Variants in NSUN6 observed in about 807,000 individuals in gnomAD.
NSUN6 encodes the protein NOP2/Sun RNA methyltransferase 6.
A neutral mutation model predicts 58.0 loss-of-function variants in NSUN6; 64 were observed. That is an observed-to-expected ratio of 1.10 (90% CI 0.90 to 1.36). The LOEUF (loss-of-function observed/expected upper bound fraction) is 1.36. NSUN6 is among the 40% of genes most tolerant of loss of function. The pLI is 0.00. For synonymous variants in NSUN6, 231 were observed against 193.9 expected (o/e 1.19, Z -1.59); for missense variants, 701 against 550.1 (o/e 1.27, Z -2.74).
chr10:18,593,694 C>T (rs898771880), intron 7 of NSUN6, among the ~76,000 whole-genome samples: 1 of 151,912 alleles, frequency 6.6e-6, no homozygotes, highest in Non-Finnish European at 1.5e-5. Context: ...ACATCACACA[C>T]GGGGGCCTGT....
chr10:18,573,907 T>C (rs993419460), intron 8 of NSUN6, among the ~76,000 whole-genome samples: 2 of 152,170 alleles, frequency 1.3e-5, no homozygotes, highest in African/African-American at 2.4e-5. Context: ...TTGACTCATA[T>C]GCACTGCACA....
chr10:18,651,374 C>G lies in NSUN6; in HGVS notation c.-171G>C. ...ATGCAGAGGTACACGCTTTCTCAAG[C>G]CTAGCCGATTAGAAGGGGCTGCCGG... On this transcript the variant is annotated 5_prime_UTR_variant, in exon 1 of 11. Transcript: ENST00000377304. 1 of 1,322,456 alleles carries G rather than the reference C, an allele frequency of 7.6e-7. No homozygotes were observed. Among genetic ancestry groups the G allele is most frequent in the Non-Finnish European group, 9.6e-7 (1 of 1,040,856 alleles). 81.9% of individuals were successfully genotyped at this position (1,322,456 alleles called of 1,614,324 possible).
At chr10:18,556,959 G>A (rs2055074718) in intron 8 of NSUN6, among the ~76,000 whole-genome samples, 1 of 150,980 alleles carries the variant, frequency 6.6e-6, no homozygotes, top group African/African-American at 2.4e-5. Context: ...GAATGGAATG[G>A]AGAATGGAAG....
intron 9 of NSUN6, among the ~76,000 whole-genome samples, chr10:18,548,906 T>G (rs2054444703): frequency 6.6e-6 from 1 of 152,132 alleles, no homozygotes; most frequent in Admixed American, 6.6e-5. Flanking sequence ...CATCACCAAG[T>G]CCTATTGGCT....
chr10:18,659,320 G>C (rs980943290), upstream of NSUN6: 1 of 326,762 alleles, frequency 3.1e-6, no homozygotes, highest in Non-Finnish European at 5.6e-6. Context: ...GGCGATGGGT[G>C]GTCCTGGGAT....
chr10:18,573,501 C>T (rs1341195252), intron 8 of NSUN6, among the ~76,000 whole-genome samples: 3 of 151,686 alleles, frequency 2.0e-5, no homozygotes. Context: ...TACCATTCTA[C>T]GTTCCATTCC....
chr10:18,574,842 T>A (rs1215839975), intron 8 of NSUN6, among the ~76,000 whole-genome samples: 1 of 152,176 alleles, frequency 6.6e-6, no homozygotes, highest in Middle Eastern at 3.2e-3. Context: ...AATCTTCAGT[T>A]GCCAGAGGAA....
chr10:18,619,495 A>G (rs1254011659), intron 3 of NSUN6, among the ~76,000 whole-genome samples: 1 of 152,180 alleles, frequency 6.6e-6, no homozygotes, highest in African/African-American at 2.4e-5. Flanking sequence ...CTCCTTTCCC[A>G]TACCTTCAAC....
At chr10:18,601,554 AGAACTAGGAGCAG>A (rs1375179794) in intron 6 of NSUN6, among the ~76,000 whole-genome samples, 5 of 145,774 alleles carry the variant, frequency 3.4e-5, no homozygotes, top group African/African-American at 5.1e-5. Context: ...AGTTATGAGC[AGAACTAGGAGCAG>A]GAAACAGGGC....
intron 3 of NSUN6, among the ~76,000 whole-genome samples, chr10:18,627,816 C>T (rs2058874107): frequency 6.6e-6 from 1 of 152,226 alleles, no homozygotes; most frequent in African/African-American, 2.4e-5. Context: ...TGTAAGGCGG[C>T]AGCCAGGCTG....
intron 9 of NSUN6, 123 bp downstream of exon 9, chr10:18,551,700 C>T: frequency 2.7e-6 from 2 of 729,698 alleles, no homozygotes. Context: ...TGTCAACAGA[C>T]TCTTGGGTTG....
intron 9 of NSUN6, among the ~76,000 whole-genome samples, chr10:18,550,862 C>G (rs1484624906): frequency 1.3e-5 from 2 of 151,786 alleles, no homozygotes; most frequent in Admixed American, 6.6e-5. Flanking sequence ...GTAGCTGGGA[C>G]TACAGGCGCC....
chr10:18,648,489 C>T lies in NSUN6; in HGVS notation c.231+1G>A, dbSNP rs1205724511. On this transcript the variant is annotated splice_donor_variant, in intron 2 of 10. Coordinates refer to ENST00000377304, the MANE Select transcript of NSUN6 (RefSeq NM_182543.5). LOFTEE classifies it high-confidence loss of function. ...ACAAATGACAGAAAATTTCCACAAACCTTCTGAAGTTCATCAAGTAACAGA... is the reference window on the plus strand; with the variant it reads ...ACAAATGACAGAAAATTTCCACAAATCTTCTGAAGTTCATCAAGTAACAGA... The T allele has an allele frequency of 6.3e-7, 1 of 1,588,814 alleles. No homozygotes were observed. Among genetic ancestry groups the T allele is most frequent in the East Asian group, 2.2e-5 (1 of 44,564 alleles).
At chr10:18,553,786 T>A (rs922289985) in intron 8 of NSUN6, among the ~76,000 whole-genome samples, 1 of 147,042 alleles carries the variant, frequency 6.8e-6, no homozygotes. Flanking sequence ...TGGAATGGAA[T>A]AGAGAATGGA....
At position 18,551,971 on chromosome 10, in the gene NSUN6, C is replaced by A; in HGVS notation, c.923G>T (p.Gly308Val). ...VKLDMVEDTE[G>V]EPPFLPESFD... ...GGATTCTGGTAGAAATGGAGGTTCT[C>A]CTATAAAGAGAATTATAATCATGTT... is the stretch of plus-strand genomic sequence containing the variant. The change falls in exon 9 of 11, where the codon GGA (glycine) becomes GTA (valine). Residue 308 changes from glycine (G) to valine (V), a missense_variant and splice_region_variant. Transcript: ENST00000377304. The A allele has an allele frequency of 6.3e-7, 1 of 1,587,906 alleles. No homozygotes were observed. Among genetic ancestry groups the A allele is most frequent in the Admixed American group, 1.7e-5 (1 of 59,276 alleles).
rs765837440 is a variant in NSUN6 at position 18,642,460 on chromosome 10, T to C, written c.311+16A>G. 1.6e-6 allele frequency: 2 copies of C among 1,280,198 alleles called. No homozygotes were observed. Among genetic ancestry groups the C allele is most frequent in the East Asian group, 2.3e-5 (1 of 43,240 alleles). The allele number at this position is 1,280,198 out of a possible 1,614,324, so 79.3% of individuals were successfully genotyped here. The stretch of plus-strand genomic sequence containing the variant: ...TATTGAGAATAATATAATTTGGAAA[T>C]GAAGTTCTTACAAACCTGGGTCCAA... On this transcript the variant is annotated intron_variant, in intron 3 of 10. Coordinates refer to ENST00000377304, the MANE Select transcript of NSUN6 (RefSeq NM_182543.5).
intron 8 of NSUN6, 63 bp from the exon 9 acceptor site, chr10:18,552,034 G>C (rs1241487792): frequency 2.2e-6 from 2 of 890,200 alleles, no homozygotes; most frequent in South Asian, 2.0e-5. Context: ...GAAAACTCCT[G>C]AGATGAGCAG....
At position 18,585,972 on chromosome 10, in the gene NSUN6, A is replaced by G. The variant is rs751536537; in HGVS notation, c.899T>C (p.Leu300Pro). 1 of 1,608,092 alleles carries G rather than the reference A, an allele frequency of 6.2e-7. No homozygotes were observed. Among genetic ancestry groups the G allele is most frequent in the Non-Finnish European group, 8.5e-7 (1 of 1,178,680 alleles). ...ACCTTCTGTGTCCTCCACCATATCA[A>G]GTTTAACCGCCTTTGTTCCATCAAA... ...FCFDGTKAVKLDMVEDTEGEP... is the reference protein window; with the variant it reads ...FCFDGTKAVKPDMVEDTEGEP... The change falls in exon 8 of 11, where the codon CTT becomes CCT. Residue 300 changes from leucine (L) to proline (P), a missense_variant. Coordinates refer to ENST00000377304, the MANE Select transcript of NSUN6 (RefSeq NM_182543.5).
At chr10:18,636,962 A>ACT (rs2059237403) in intron 3 of NSUN6, among the ~76,000 whole-genome samples, 1 of 86,462 alleles carries the variant, frequency 1.2e-5, no homozygotes, top group Non-Finnish European at 2.2e-5. Flanking sequence ...AAAGGAATTG[A>ACT]CTTTTTTTTT....
Sources: gnomAD v4.1 joint callset for allele counts (sites outside exome capture counted in the v4.1 genomes callset) on GRCh38, gnomAD v4.1.1 for gene constraint, MANE v1.5 for transcripts, NCBI Gene and HGNC (gene_info 2026-07-23, HGNC 2026-07-21) for gene names.